Variants in TBC1D15 observed in about 807,000 individuals in gnomAD.
TBC1D15 encodes the protein GAP for RAB7.
A neutral mutation model predicts 95.4 loss-of-function variants in TBC1D15; 39 were observed. The observed-to-expected ratio is 0.41, with a 90% CI of 0.32 to 0.53. The LOEUF is 0.53. Ranked by LOEUF, TBC1D15 falls within the 20% of genes least tolerant of loss-of-function variation. The pLI is 0.29. For missense variants in TBC1D15, 733 were observed against 794.3 expected (o/e 0.92, Z 0.93); for synonymous variants, 258 against 261.3 (o/e 0.99, Z 0.12).
At chr12:71,899,100 T>G (rs1898795980) in intron 10 of TBC1D15, among the ~76,000 whole-genome samples, 1 of 152,146 alleles carries the variant, frequency 6.6e-6, no homozygotes, top group Non-Finnish European at 1.5e-5. Context: ...GGAAGGGAAG[T>G]TAGAGGTCAA....
intron 1 of TBC1D15, chr12:71,849,700 T>A: frequency 3.6e-6 from 2 of 551,742 alleles, no homozygotes; most frequent in Non-Finnish European, 6.9e-6. Flanking sequence ...TCAGTCCCAG[T>A]ACTGCTCTTT....
At position 71,842,115 on chromosome 12, in the gene TBC1D15, G is replaced by C. The variant is rs899791723; in HGVS notation, c.30+2304G>C. On this transcript the variant is annotated intron_variant, in intron 1 of 16. Transcript: ENST00000485960. ...GTACAGATGGTGGGCTACCAGCTCT[G>C]TTGAATTAGAGTCTCTCAGTGTCTC... Among the ~76,000 whole-genome samples the C allele has an allele frequency of 2.6e-5, 4 of 152,164 alleles. No individual in the cohort carries two copies. The East Asian group carries it at 7.7e-4, about 29-fold the overall frequency.
chr12:71,885,078 G>A, intron 5 of TBC1D15, 57 bp downstream of exon 5: 2 of 1,563,330 alleles, frequency 1.3e-6, no homozygotes, highest in Non-Finnish European at 1.7e-6. Flanking sequence ...TAATCCCAAA[G>A]CAAACTATTT....
chr12:71,877,797 T>A (rs1319398442), intron 3 of TBC1D15, among the ~76,000 whole-genome samples: 2 of 152,202 alleles, frequency 1.3e-5, no homozygotes, highest in Non-Finnish European at 2.9e-5. Context: ...ATGTTTTTCA[T>A]CTCCCTATGT....
rs1171810121 is a variant in TBC1D15, at chr12:71,897,893, G to T, written c.1135G>T (p.Glu379Ter). 1 of 1,612,708 alleles carries T rather than the reference G, an allele frequency of 6.2e-7. No individual in the cohort carries two copies. Among genetic ancestry groups the T allele is most frequent in the South Asian group, 1.1e-5 (1 of 91,022 alleles). Reference protein sequence around the residue: ...MKLQWKSISQEQEKRNSRLRD... With the variant: ...MKLQWKSISQ ...ACTGCAGTGGAAATCCATCAGCCAG[G>T]AACAAGAGAAAAGAAATTCGAGGTT... The change falls in exon 10 of 17, where the codon GAA becomes TAA. Residue 379 changes from glutamate (E) to a stop codon, truncating the protein, a stop_gained. Transcript: ENST00000485960. LOFTEE classifies it high-confidence loss of function.
chr12:71,893,149 G>A lies in TBC1D15; in HGVS notation c.555-73G>A, dbSNP rs1217847259. 5 of 527,440 alleles carry A rather than the reference G, an allele frequency of 9.5e-6. No homozygotes were observed. The Admixed American group carries it at 2.3e-4, about 25-fold the overall frequency. 32.7% of individuals were successfully genotyped at this position (527,440 alleles called of 1,614,324 possible). On this transcript the variant is annotated intron_variant, in intron 5 of 16. Coordinates refer to ENST00000485960, the MANE Select transcript of TBC1D15 (RefSeq NM_001146213.3). ...TTTTTTTTTTTGGTAAGGAACATTT[G>A]TGTTAGTAATTGTTCATGTAGTAAT...
intron 4 of TBC1D15, 140 bp from the exon 5 acceptor site, chr12:71,884,671 C>G (rs1283981695): frequency 1.6e-6 from 1 of 634,208 alleles, no homozygotes; most frequent in South Asian, 2.2e-5. Context: ...ATATCTAATA[C>G]AGGTGGAAGC....
chr12:71,883,335 T>C (rs1895591104), intron 4 of TBC1D15, among the ~76,000 whole-genome samples: 1 of 152,132 alleles, frequency 6.6e-6, no homozygotes, highest in Non-Finnish European at 1.5e-5. Flanking sequence ...TGAAACATTA[T>C]GTAAAGTAGT....
At chr12:71,884,630 A>T (rs1487612387) in intron 4 of TBC1D15, among the ~76,000 whole-genome samples, 181 bp from the exon 5 acceptor site, 1 of 152,190 alleles carries the variant, frequency 6.6e-6, no homozygotes, top group Admixed American at 6.5e-5. Context: ...TTATTTTAAA[A>T]ATCATTTTTT....
At chr12:71,902,444 T>C (rs779053413) in intron 10 of TBC1D15, among the ~76,000 whole-genome samples, 49 of 152,178 alleles carry the variant, frequency 3.2e-4, no homozygotes, top group Admixed American at 3.1e-3. Context: ...AGCCATCTGA[T>C]CTTCGACAGA....
chr12:71,898,266 T>C (rs1898619687), intron 10 of TBC1D15, among the ~76,000 whole-genome samples: 1 of 152,088 alleles, frequency 6.6e-6, no homozygotes, highest in African/African-American at 2.4e-5. Context: ...TATGAAAGTC[T>C]GTTTATTGTA....
chr12:71,875,944 C>T (rs938297907), intron 3 of TBC1D15, among the ~76,000 whole-genome samples: 30 of 151,890 alleles, frequency 2.0e-4, no homozygotes, highest in African/African-American at 6.8e-4. Context: ...ACTACAGGCG[C>T]GCACGTCACC....
At position 71,885,116 on chromosome 12, in the gene TBC1D15, A is replaced by G. The variant is rs973439418; in HGVS notation, c.554+95A>G. On this transcript the variant is annotated intron_variant, in intron 5 of 16. Transcript: ENST00000485960. ...ACTTGACCTTGGGCATCAGTGACCT[A>G]TTTGCATATGAGGACATGAACAGCT... The G allele has an allele frequency of 1.1e-5, 13 of 1,195,450 alleles. 1 individual carries two copies. Among genetic ancestry groups the G allele is most frequent in the Middle Eastern group, 2.4e-4 (1 of 4,146 alleles). 74.1% of individuals were successfully genotyped at this position (1,195,450 alleles called of 1,614,324 possible). A position where few individuals can be genotyped will look rare whatever the true frequency, so the allele number is the denominator to read the frequency against.
intron 3 of TBC1D15, among the ~76,000 whole-genome samples, chr12:71,878,498 T>C (rs1894434663): frequency 6.6e-6 from 1 of 151,250 alleles, no homozygotes; most frequent in Admixed American, 6.6e-5. Flanking sequence ...GGGTTAGGGT[T>C]AATAGGGATG....
intron 11 of TBC1D15, among the ~76,000 whole-genome samples, chr12:71,913,183 T>A (rs1387416952): frequency 6.6e-6 from 1 of 151,986 alleles, no homozygotes; most frequent in Non-Finnish European, 1.5e-5. Context: ...GCCCAGTTGC[T>A]GGCATTGGTT....
At chr12:71,916,330 A>G (rs1050772967) in intron 12 of TBC1D15, among the ~76,000 whole-genome samples, 6 of 152,108 alleles carry the variant, frequency 3.9e-5, no homozygotes, top group Admixed American at 6.6e-5. Context: ...GCAAATGTCT[A>G]TGCCATGTTG....
chr12:71,893,287 AAAATCTTCTTGATG>A lies in TBC1D15; in HGVS notation c.622_635del (p.Asn208AlafsTer10). On this transcript the variant is annotated frameshift_variant, in exon 6 of 17. Transcript: ENST00000485960. LOFTEE classifies it high-confidence loss of function. Reference sequence around the variant, plus strand: ...AATAAGAGTCTTTCACAGTCTTTTGAAAATCTTCTTGATGAGCCAGCATATGGTTTAATACAAGT... The same window carrying A: ...AATAAGAGTCTTTCACAGTCTTTTGAAGCCAGCATATGGTTTAATACAAGT... 6.2e-7 allele frequency: 1 copy of A among 1,610,320 alleles called. No individual in the cohort carries two copies. The highest frequency in any genetic ancestry group is 8.5e-7 in the Non-Finnish European group (1 of 1,178,016).
intron 1 of TBC1D15, among the ~76,000 whole-genome samples, chr12:71,869,642 A>G (rs781756998): frequency 6.6e-6 from 1 of 152,218 alleles, no homozygotes; most frequent in Non-Finnish European, 1.5e-5. Context: ...AAATAGATAC[A>G]TATGCTGAAC....
chr12:71,911,796 A>AAAAT (rs1555205845), intron 11 of TBC1D15, among the ~76,000 whole-genome samples: 1 of 151,608 alleles, frequency 6.6e-6, no homozygotes, highest in African/African-American at 2.4e-5. Flanking sequence ...TAAAAATAAA[A>AAAAT]AAAATAAAAT....
Sources: allele counts gnomAD v4.1 joint callset (sites outside exome capture counted in the v4.1 genomes callset), GRCh38; gene constraint gnomAD v4.1.1; transcripts MANE v1.5; gene names NCBI Gene and HGNC (gene_info 2026-07-23, HGNC 2026-07-21).